The following RUNX1T1 variants were observed in gnomAD, a reference collection of about 807,000 sequenced individuals.
RUNX1T1 encodes RUNX1 partner transcriptional co-repressor 1, also known as protein CBFA2T1.
RUNX1T1 carries 4 observed loss-of-function variants against 62.8 expected under a neutral mutation model. The observed-to-expected ratio is 0.06, with a 90% CI of 0.03 to 0.15. The LOEUF (loss-of-function observed/expected upper bound fraction) is 0.15. Among genes scored for constraint, RUNX1T1 ranks in the 10% least tolerant of loss-of-function variants. The probability of loss-of-function intolerance (pLI) is 1.00; values close to 1 mark genes in which losing one functional copy is unlikely to be tolerated. For missense variants in RUNX1T1, 508 were observed against 754.3 expected (o/e 0.67, Z 3.82); for synonymous variants, 291 against 286.0 (o/e 1.02, Z -0.18).
At chr8:92,013,125 C>CT (rs934255359) in intron 3 of RUNX1T1, among the ~76,000 whole-genome samples, 3 of 151,902 alleles carry the variant, frequency 2.0e-5, no homozygotes, top group African/African-American at 7.3e-5. Flanking sequence ...ACAATTATTA[C>CT]TTTGGATTTA....
intron 10 of RUNX1T1, among the ~76,000 whole-genome samples, chr8:91,962,312 A>G (rs899410460): frequency 1.3e-5 from 2 of 151,590 alleles, no homozygotes; most frequent in Non-Finnish European, 3.0e-5. Flanking sequence ...AAAACAAAAC[A>G]AAAACAAAAC....
chr8:91,980,648 T>G (rs1001563951), intron 8 of RUNX1T1, among the ~76,000 whole-genome samples: 3 of 152,174 alleles, frequency 2.0e-5, no homozygotes, highest in Non-Finnish European at 4.4e-5. Flanking sequence ...TCTTTAAAGT[T>G]CTTTTTGATT....
intron 8 of RUNX1T1, among the ~76,000 whole-genome samples, chr8:91,981,985 C>A (rs145041606): frequency 1.2e-3 from 187 of 152,024 alleles, no homozygotes; most frequent in African/African-American, 4.0e-3. Context: ...TGGATCACGC[C>A]TGTAATCCTA....
chr8:91,989,682 C>T (rs990524569), intron 6 of RUNX1T1, among the ~76,000 whole-genome samples: 1 of 152,160 alleles, frequency 6.6e-6, no homozygotes, highest in Non-Finnish European at 1.5e-5. Context: ...ACTGGTCTCA[C>T]CGTGACCTGA....
chr8:92,048,606 T>C (rs1563843604), intron 1 of RUNX1T1, among the ~76,000 whole-genome samples: 12 of 151,902 alleles, frequency 7.9e-5, no homozygotes, highest in Non-Finnish European at 1.5e-5. Flanking sequence ...AGTAAGAAGA[T>C]AGAAAGACAG....
At chr8:92,061,620 C>G (rs937953442) in intron 1 of RUNX1T1, among the ~76,000 whole-genome samples, 1 of 152,166 alleles carries the variant, frequency 6.6e-6, no homozygotes, top group Non-Finnish European at 1.5e-5. Flanking sequence ...CTGGCAATAC[C>G]TACACACAAC....
chr8:92,030,987 T>A (rs897879794), intron 1 of RUNX1T1, among the ~76,000 whole-genome samples: 11 of 152,224 alleles, frequency 7.2e-5, no homozygotes, highest in African/African-American at 2.4e-4. Flanking sequence ...CATTGATAGT[T>A]ATATGTGGAA....
At chr8:92,005,190 G>A (rs193109900) in exon 5 of RUNX1T1, 1 of 1,614,088 alleles carries the variant, frequency 6.2e-7, no homozygotes, top group Non-Finnish European at 8.5e-7. Flanking sequence ...GTGAGGTGGT[G>A]CTGGCATCCA....
intron 1 of RUNX1T1, chr8:92,081,228 G>A (rs980014138): frequency 5.5e-6 from 5 of 910,518 alleles, no homozygotes; most frequent in Admixed American, 1.2e-4. Context: ...CTTGTAAAGC[G>A]CCTACCTTAG....
intron 2 of RUNX1T1, among the ~76,000 whole-genome samples, chr8:92,016,933 T>C (rs1340477908): frequency 6.6e-6 from 1 of 152,050 alleles, no homozygotes; most frequent in Non-Finnish European, 1.5e-5. Flanking sequence ...GTTACAGTGG[T>C]AACAACTGGA....
chr8:91,986,290 T>C, exon 8 of RUNX1T1: 2 of 1,614,064 alleles, frequency 1.2e-6, no homozygotes, highest in Non-Finnish European at 1.7e-6. Flanking sequence ...GAGATCGCCT[T>C]GTTTTTTCTA....
intron 1 of RUNX1T1, among the ~76,000 whole-genome samples, chr8:92,098,392 A>AT (rs1024088773): frequency 6.6e-5 from 10 of 152,218 alleles, no homozygotes; most frequent in Non-Finnish European, 1.5e-5. Flanking sequence ...CCAATGTTTT[A>AT]TATGCATAAG....
chr8:92,095,582 G>A (rs112603318), intron 1 of RUNX1T1: 13 of 1,436,872 alleles, frequency 9.0e-6, no homozygotes, highest in East Asian at 2.5e-5. Context: ...CAGAGGGTGC[G>A]TGTGAGACGG....
intron 1 of RUNX1T1, among the ~76,000 whole-genome samples, chr8:92,076,441 A>C (rs1834431307): frequency 2.0e-5 from 3 of 152,122 alleles, no homozygotes; most frequent in Admixed American, 2.0e-4. Flanking sequence ...CAATACCCTA[A>C]GAGAATGTTA....
chr8:92,008,388 TCA>T (rs566293413), intron 4 of RUNX1T1, among the ~76,000 whole-genome samples: 4,762 of 131,930 alleles, frequency 0.036, 218 homozygotes, highest in African/African-American at 0.11. Context: ...TCTCTCTCTC[TCA>T]CACACACACA....
intron 8 of RUNX1T1, among the ~76,000 whole-genome samples, chr8:91,985,129 C>A (rs556418773): frequency 6.6e-6 from 1 of 152,138 alleles, no homozygotes; most frequent in Non-Finnish European, 1.5e-5. Context: ...TTAATCTGCA[C>A]GTTTTGCAGC....
intron 1 of RUNX1T1, among the ~76,000 whole-genome samples, chr8:92,085,335 G>A (rs1835929401): frequency 6.6e-6 from 1 of 152,168 alleles, no homozygotes; most frequent in African/African-American, 2.4e-5. Flanking sequence ...TCCTGGCCCT[G>A]CTTTCTTCCC....
intron 9 of RUNX1T1, among the ~76,000 whole-genome samples, chr8:91,972,323 A>G (rs567834043): frequency 4.0e-4 from 61 of 152,258 alleles, no homozygotes; most frequent in African/African-American, 1.3e-3. Flanking sequence ...TTTTAGCAGC[A>G]TTATATCTGA....
chr8:91,979,130 C>T (rs1807966540), intron 8 of RUNX1T1, among the ~76,000 whole-genome samples: 1 of 152,138 alleles, frequency 6.6e-6, no homozygotes, highest in Non-Finnish European at 1.5e-5. Flanking sequence ...AGTAGGTATA[C>T]TCCTCAGAAA....
Sources: gnomAD v4.1 joint callset for allele counts (sites outside exome capture counted in the v4.1 genomes callset) on GRCh38, gnomAD v4.1.1 for gene constraint, MANE v1.5 for transcripts, NCBI Gene and HGNC (gene_info 2026-07-23, HGNC 2026-07-21) for gene names.